LRRIQ3: variants seen among roughly 807,000 people sequenced by gnomAD.
LRRIQ3 encodes leucine rich repeats and IQ motif containing 3, also known as leucine-rich repeat and IQ domain-containing protein 3.
Under a neutral mutation model 59.3 loss-of-function variants are expected in LRRIQ3, and 75 were observed. That is an observed-to-expected ratio of 1.26 (90% confidence interval 1.05 to 1.53). The LOEUF (loss-of-function observed/expected upper bound fraction) is 1.53. Ranked by LOEUF, LRRIQ3 falls within the 40% of genes most tolerant of loss-of-function variation. The probability of loss-of-function intolerance (pLI) is 0.00; values close to 1 mark genes in which losing one functional copy is unlikely to be tolerated. For synonymous variants in LRRIQ3, 250 were observed against 231.3 expected (o/e 1.08, Z -0.73); for missense variants, 831 against 710.0 (o/e 1.17, Z -1.94).
chr1:74,173,314 C>T (rs971987810), intron 3 of LRRIQ3, among the ~76,000 whole-genome samples: 3 of 143,292 alleles, frequency 2.1e-5, no homozygotes, highest in African/African-American at 7.5e-5. Flanking sequence ...AAAAAAAAAT[C>T]CATTCACTCC....
intron 4 of LRRIQ3, among the ~76,000 whole-genome samples, chr1:74,130,707 G>A (rs1647002483): frequency 6.6e-6 from 1 of 152,018 alleles, no homozygotes; most frequent in Non-Finnish European, 1.5e-5. Flanking sequence ...CTTTCAATCA[G>A]TATTTCTACT....
chr1:74,096,790 T>C (rs932862049), intron 5 of LRRIQ3, among the ~76,000 whole-genome samples: 1 of 152,202 alleles, frequency 6.6e-6, no homozygotes. Flanking sequence ...GCTGCAGGTC[T>C]GTTGGAGTTT....
chr1:74,049,523 A>G (rs1365166211), intron 6 of LRRIQ3, among the ~76,000 whole-genome samples: 4 of 152,168 alleles, frequency 2.6e-5, no homozygotes, highest in African/African-American at 9.6e-5. Context: ...GGGGCTGCTG[A>G]TAACTTAGAT....
At chr1:74,153,731 A>G (rs982803170) in intron 4 of LRRIQ3, among the ~76,000 whole-genome samples, 3 of 152,210 alleles carry the variant, frequency 2.0e-5, no homozygotes, top group Non-Finnish European at 4.4e-5. Context: ...TGTGATAATA[A>G]AAGTATGTGA....
chr1:74,140,106 T>C (rs1290061850), intron 4 of LRRIQ3, among the ~76,000 whole-genome samples: 2 of 151,806 alleles, frequency 1.3e-5, no homozygotes, highest in African/African-American at 4.8e-5. Flanking sequence ...TTAATGTAAA[T>C]AGTCCAAATA....
At chr1:74,195,233 T>C (rs1001098833) in intron 1 of LRRIQ3, among the ~76,000 whole-genome samples, 1 of 151,838 alleles carries the variant, frequency 6.6e-6, no homozygotes, top group Non-Finnish European at 1.5e-5. Flanking sequence ...TCAGGAAGGG[T>C]AACAGGAGGA....
rs71078186 is a variant in LRRIQ3 at position 74,154,240 on chromosome 1, C to CAAAAAAAAAAAAAAAAAA, written c.707+1475_707+1492dup. On this transcript the variant is annotated intron_variant, in intron 4 of 7. Transcript: ENST00000354431. ...TGGGCGACAGAGCGAGACTCCTTCT[C>CAAAAAAAAAAAAAAAAAA]AAAAAAAAAAAAAAAAAAAAAAAAA... Among the ~76,000 whole-genome samples, 24 of 57,278 alleles carry CAAAAAAAAAAAAAAAAAA rather than the reference C, an allele frequency of 4.2e-4. 2 individuals are homozygous for CAAAAAAAAAAAAAAAAAA. Among genetic ancestry groups the CAAAAAAAAAAAAAAAAAA allele is most frequent in the African/African-American group, 6.6e-4 (9 of 13,730 alleles). 37.6% of individuals were successfully genotyped at this position (57,278 alleles called of 152,430 possible).
rs562074423 is a variant in LRRIQ3 at position 74,156,605 on chromosome 1, G to A, written c.574-739C>T. 2.0e-5 allele frequency among the ~76,000 whole-genome samples: 3 copies of A among 151,974 alleles called. No individual in the cohort carries two copies. In the East Asian group the frequency reaches 5.8e-4, roughly 29 times the overall value. On this transcript the variant is annotated intron_variant, in intron 3 of 7. Coordinates refer to ENST00000354431, the MANE Select transcript of LRRIQ3 (RefSeq NM_001105659.2). ...TCTCTAAATGGTAGTGGCACAAACA[G>A]GTGTCCAATGAAACTGCAAATACTC...
rs187755704 is a variant in LRRIQ3 at position 74,114,721 on chromosome 1, C to A, written c.708-5168G>T. 8.7e-4 allele frequency among the ~76,000 whole-genome samples: 128 copies of A among 147,372 alleles called. 2 individuals carry two copies. Among genetic ancestry groups the A allele is most frequent in the Admixed American group, 2.9e-3 (43 of 14,690 alleles). On this transcript the variant is annotated intron_variant, in intron 4 of 7. Coordinates refer to ENST00000354431, the MANE Select transcript of LRRIQ3 (RefSeq NM_001105659.2). ...CTGAACTCTAGCTTGGGCAACAGAG[C>A]GAGACTCCGTCTTAAAAAAAAAAAA...
At chr1:74,070,663 T>C (rs956882588) in intron 6 of LRRIQ3, among the ~76,000 whole-genome samples, 6 of 151,926 alleles carry the variant, frequency 3.9e-5, no homozygotes, top group Admixed American at 6.6e-5. Flanking sequence ...TGTGTGTATA[T>C]ATGTGTGTGT....
intron 6 of LRRIQ3, among the ~76,000 whole-genome samples, chr1:74,042,410 T>C (rs1285399727): frequency 6.6e-6 from 1 of 152,116 alleles, no homozygotes; most frequent in African/African-American, 2.4e-5. Context: ...AACAGCTTGA[T>C]TGGTTATGGT....
At chr1:74,161,901 T>C (rs934560501) in intron 3 of LRRIQ3, among the ~76,000 whole-genome samples, 2 of 151,896 alleles carry the variant, frequency 1.3e-5, no homozygotes, top group Admixed American at 6.6e-5. Context: ...ATTTGATGTC[T>C]GAAGATGAAG....
intron 4 of LRRIQ3, among the ~76,000 whole-genome samples, chr1:74,121,742 C>A (rs1442325497): frequency 1.8e-5 from 2 of 108,810 alleles, no homozygotes; most frequent in East Asian, 3.5e-4. Context: ...CCTCCCCCCA[C>A]CCCACAACAG....
intron 5 of LRRIQ3, among the ~76,000 whole-genome samples, chr1:74,105,176 T>C (rs1410265742): frequency 6.6e-6 from 1 of 151,960 alleles, no homozygotes; most frequent in Admixed American, 6.6e-5. Flanking sequence ...AAAATTGTAT[T>C]AACTATGAAC....
At chr1:74,108,620 A>T (rs946727139) in intron 5 of LRRIQ3, among the ~76,000 whole-genome samples, 1 of 151,814 alleles carries the variant, frequency 6.6e-6, no homozygotes, top group Admixed American at 6.6e-5. Context: ...GCAGAGAGCC[A>T]CACATGAAGG....
At chr1:74,081,540 A>G (rs887662664) in intron 5 of LRRIQ3, among the ~76,000 whole-genome samples, 3 of 151,572 alleles carry the variant, frequency 2.0e-5, no homozygotes, top group African/African-American at 7.3e-5. Context: ...TATAGTTTCA[A>G]ATTGAGGAAA....
chr1:74,124,463 C>A (rs1033286836), intron 4 of LRRIQ3, among the ~76,000 whole-genome samples: 43 of 151,906 alleles, frequency 2.8e-4, no homozygotes, highest in Admixed American at 2.5e-3. Flanking sequence ...ATTTCCCCAA[C>A]GTTTTCTTAT....
chr1:74,125,093 T>C (rs1324900436), intron 4 of LRRIQ3, among the ~76,000 whole-genome samples: 3 of 151,938 alleles, frequency 2.0e-5, no homozygotes, highest in African/African-American at 7.2e-5. Flanking sequence ...AGTTAATTCC[T>C]AGGTATCTAA....
chr1:74,048,228 G>A (rs1654260917), intron 6 of LRRIQ3, among the ~76,000 whole-genome samples: 1 of 152,182 alleles, frequency 6.6e-6, no homozygotes, highest in Admixed American at 6.6e-5. Flanking sequence ...TGGCAAACTA[G>A]TGTGTTATTA....
Sources: gnomAD v4.1 joint callset for allele counts (sites outside exome capture counted in the v4.1 genomes callset) on GRCh38, gnomAD v4.1.1 for gene constraint, MANE v1.5 for transcripts, NCBI Gene and HGNC (gene_info 2026-07-23, HGNC 2026-07-21) for gene names.